ZDHHC11B: variants seen among roughly 807,000 people sequenced by gnomAD.
ZDHHC11B encodes probable palmitoyltransferase ZDHHC11B.
A neutral mutation model predicts 42.3 loss-of-function variants in ZDHHC11B; 17 were observed. The observed-to-expected ratio is 0.40, with a 90% CI of 0.27 to 0.60. ZDHHC11B has a LOEUF of 0.60. Ranked by LOEUF, ZDHHC11B falls within the 20% of genes least tolerant of loss-of-function variation. The probability of loss-of-function intolerance (pLI) is 0.41; values close to 1 mark genes in which losing one functional copy is unlikely to be tolerated. For missense variants in ZDHHC11B, 262 were observed against 463.2 expected (o/e 0.57, Z 3.99); for synonymous variants, 123 against 193.5 (o/e 0.64, Z 3.02).
intron 7 of ZDHHC11B, among the ~76,000 whole-genome samples, chr5:749,059 G>A (rs1295506690): frequency 1.2e-4 from 13 of 105,836 alleles, no homozygotes; most frequent in Middle Eastern, 4.4e-3. Context: ...GGGTCACAGT[G>A]CCCACCCCTT....
At chr5:760,910 C>T (rs1187431385) in intron 4 of ZDHHC11B, among the ~76,000 whole-genome samples, 3 of 151,108 alleles carry the variant, frequency 2.0e-5, no homozygotes, top group African/African-American at 7.3e-5. Context: ...CAGCGTTCTT[C>T]TGAAACTGCT....
chr5:712,833 C>T (rs1290072695), intron 13 of ZDHHC11B, among the ~76,000 whole-genome samples: 2 of 151,692 alleles, frequency 1.3e-5, no homozygotes, highest in African/African-American at 2.4e-5. Context: ...GTTGTGAACC[C>T]GGGAGGCGGA....
chr5:745,661 G>A (rs1364604951), intron 8 of ZDHHC11B, among the ~76,000 whole-genome samples: 1 of 150,052 alleles, frequency 6.7e-6, no homozygotes, highest in Non-Finnish European at 1.5e-5. Flanking sequence ...TGCTCCAGAT[G>A]CCCTGGGATT....
intron 4 of ZDHHC11B, among the ~76,000 whole-genome samples, chr5:757,175 C>T (rs375721304): frequency 1.4e-3 from 218 of 151,838 alleles, no homozygotes; most frequent in South Asian, 6.7e-3. Context: ...GCTCCTGGAC[C>T]GCCTTCTAGC....
rs1189712547 is a variant in ZDHHC11B at position 767,011 on chromosome 5, T to C, written c.1-92A>G. On this transcript the variant is annotated intron_variant, in intron 3 of 13. Transcript: ENST00000508859. Reference sequence around the variant, plus strand: ...AGGGAGACCACGGGGACTGGGAACATGGCCCCCAGGACCAGCACTGACAGC... The same window carrying C: ...AGGGAGACCACGGGGACTGGGAACACGGCCCCCAGGACCAGCACTGACAGC... 5 of 1,437,242 alleles carry C rather than the reference T, an allele frequency of 3.5e-6. No homozygotes were observed. In the African/African-American group the frequency reaches 6.9e-5, roughly 20 times the overall value. 89.0% of individuals were successfully genotyped at this position (1,437,242 alleles called of 1,614,324 possible). A position where few individuals can be genotyped will look rare whatever the true frequency, so the allele number is the denominator to read the frequency against.
At position 710,704 on chromosome 5, in the gene ZDHHC11B, T is replaced by G. The variant is rs1266557714; in HGVS notation, c.*1586A>C. 2 of 153,778 alleles carry G rather than the reference T, an allele frequency of 1.3e-5. No homozygotes were observed. The highest frequency in any genetic ancestry group is 4.9e-5 in the African/African-American group (2 of 40,550). The allele number at this position is 153,778 out of a possible 1,614,324, so 9.5% of individuals were successfully genotyped here. ...ACTATGCTCCCATTTCCCAGGACTG[T>G]GAGCTTCCATTTCCCAGTACTGTGC... On this transcript the variant is annotated 3_prime_UTR_variant, in exon 14 of 14. Coordinates refer to ENST00000508859, the MANE Select transcript of ZDHHC11B (RefSeq NM_001351303.2).
chr5:778,779 G>T lies in ZDHHC11B; in HGVS notation c.-230+5889C>A, dbSNP rs1268434680. 2.6e-5 allele frequency among the ~76,000 whole-genome samples: 4 copies of T among 151,956 alleles called. No homozygotes were observed. The East Asian group carries it at 7.7e-4, about 29-fold the overall frequency. Reference sequence around the variant, plus strand: ...TGAGTGTCTCTACCTAGAAGAGGCAGAAGAGAAGACACAGAGAGAAGAGAA... The same window carrying T: ...TGAGTGTCTCTACCTAGAAGAGGCATAAGAGAAGACACAGAGAGAAGAGAA... On this transcript the variant is annotated intron_variant, in intron 1 of 13. Transcript: ENST00000508859.
chr5:733,870 A>G, intron 10 of ZDHHC11B, 31 bp from the exon 11 acceptor site: 1 of 1,581,806 alleles, frequency 6.3e-7, no homozygotes, highest in Non-Finnish European at 8.6e-7. Context: ...AGAGAAACTC[A>G]TCTCAGCTTT....
At chr5:780,434 C>T (rs1210906596) in intron 1 of ZDHHC11B, among the ~76,000 whole-genome samples, 2 of 151,302 alleles carry the variant, frequency 1.3e-5, no homozygotes, top group East Asian at 3.9e-4. Flanking sequence ...GGCTCCTCGA[C>T]GCAGTGTGGA....
At chr5:767,964 CCCTA>C (rs564672913) in intron 2 of ZDHHC11B, among the ~76,000 whole-genome samples, 278 of 2,358 alleles carry the variant, frequency 0.12, 4 homozygotes, top group East Asian at 0.24. Context: ...CCTGGCATCT[CCCTA>C]CCATCTGGTG....
chr5:714,835 A>T (rs1293760431), intron 13 of ZDHHC11B, among the ~76,000 whole-genome samples: 5 of 150,652 alleles, frequency 3.3e-5, no homozygotes, highest in Admixed American at 2.6e-4. Flanking sequence ...TGTTTGTGTC[A>T]TGGGGCTGGA....
chr5:745,606 G>A lies in ZDHHC11B; in HGVS notation c.785-308C>T, dbSNP rs1263510780. On this transcript the variant is annotated intron_variant, in intron 8 of 13. Coordinates refer to ENST00000508859, the MANE Select transcript of ZDHHC11B (RefSeq NM_001351303.2). ...TTGTTAGTGGTGTCAGAGATGAGCT[G>A]TCTCTCACAGACCTGGGTCCCCTAT... Among the ~76,000 whole-genome samples, 2 of 150,030 alleles carry A rather than the reference G, an allele frequency of 1.3e-5. 1 individual carries two copies. Among genetic ancestry groups the A allele is most frequent in the South Asian group, 4.4e-4 (2 of 4,548 alleles).
chr5:775,209 G>A (rs116147718), intron 1 of ZDHHC11B, among the ~76,000 whole-genome samples: 16,292 of 145,066 alleles, frequency 0.11, 222 homozygotes, highest in African/African-American at 0.2. Context: ...AGGCCAGGGC[G>A]TGACCTCTGA....
At chr5:745,403 T>C (rs1188144162) in intron 8 of ZDHHC11B, 105 bp from the exon 9 acceptor site, 21 of 982,928 alleles carry the variant, frequency 2.1e-5, no homozygotes, top group African/African-American at 3.1e-5. Flanking sequence ...ATCCGGCCCC[T>C]GCACAGGGAG....
At chr5:772,383 T>A (rs1338276508) in intron 1 of ZDHHC11B, among the ~76,000 whole-genome samples, 1 of 147,986 alleles carries the variant, frequency 6.8e-6, no homozygotes, top group Non-Finnish European at 1.5e-5. Context: ...GGTCAGACCA[T>A]CGCCGGATCT....
intron 9 of ZDHHC11B, among the ~76,000 whole-genome samples, chr5:741,882 A>G (rs397832245): frequency 1.0e-5 from 1 of 99,142 alleles, no homozygotes; most frequent in Non-Finnish European, 2.1e-5. Flanking sequence ...CTGCTTTCCA[A>G]TATGGTGGCA....
chr5:778,313 G>A, intron 1 of ZDHHC11B, among the ~76,000 whole-genome samples: 1 of 151,470 alleles, frequency 6.6e-6, no homozygotes, highest in African/African-American at 2.4e-5. Flanking sequence ...CTGCAGATGC[G>A]GTGGGACCTG....
At chr5:720,739 T>C (rs527856142) in intron 12 of ZDHHC11B, among the ~76,000 whole-genome samples, 11 of 151,636 alleles carry the variant, frequency 7.3e-5, no homozygotes, top group Non-Finnish European at 1.5e-4. Flanking sequence ...GCACACTGTA[T>C]AAAAATGTAA....
Position 711,492 on chromosome 5 carries a change from CATTTCCCAGTACTGTGCTCAT to C in ZDHHC11B, c.*777_*797del, listed in dbSNP as rs1424338390. 742 of 149,078 alleles carry C rather than the reference CATTTCCCAGTACTGTGCTCAT, an allele frequency of 5.0e-3. 11 individuals carry two copies. The highest frequency in any genetic ancestry group is 0.018 in the African/African-American group (693 of 38,696). 9.2% of individuals were successfully genotyped at this position (149,078 alleles called of 1,614,324 possible). A position where few individuals can be genotyped will look rare whatever the true frequency, so the allele number is the denominator to read the frequency against. On this transcript the variant is annotated 3_prime_UTR_variant, in exon 14 of 14. Coordinates refer to ENST00000508859, the MANE Select transcript of ZDHHC11B (RefSeq NM_001351303.2). ...CCTATTTCCCAGTGCCATGTGCTTC[CATTTCCCAGTACTGTGCTCAT>C]ATTTCCCAGTACTGTGCTCCCATTT...
Sources: allele counts gnomAD v4.1 joint callset (sites outside exome capture counted in the v4.1 genomes callset), GRCh38; gene constraint gnomAD v4.1.1; transcripts MANE v1.5; gene names NCBI Gene and HGNC (gene_info 2026-07-23, HGNC 2026-07-21).